TBX5: variants seen among roughly 807,000 people sequenced by gnomAD.
TBX5 encodes the protein T-box transcription factor 5.
Under a neutral mutation model 51.1 loss-of-function variants are expected in TBX5, and 8 were observed. The observed-to-expected ratio is 0.16, with a 90% CI of 0.09 to 0.28. TBX5 has a LOEUF of 0.28. TBX5 is among the 10% of genes least tolerant of loss of function. The pLI is 1.00. For missense variants in TBX5, 589 were observed against 671.7 expected, an observed-to-expected ratio of 0.88 and a Z score of 1.36; for synonymous variants, 302 against 266.4, an observed-to-expected ratio of 1.13 and a Z score of -1.30.
chr12:114,359,590 C>A (rs762593919), intron 8 of TBX5, among the ~76,000 whole-genome samples: 1 of 152,172 alleles, frequency 6.6e-6, no homozygotes, highest in Non-Finnish European at 1.5e-5. Flanking sequence ...ACAGTAAATT[C>A]TTCCTGATTC....
intron 7 of TBX5, among the ~76,000 whole-genome samples, chr12:114,370,195 C>T (rs573098271): frequency 6.8e-6 from 1 of 147,196 alleles, no homozygotes; most frequent in Admixed American, 7.0e-5. Context: ...AGCACCATTG[C>T]ACTCCAGCCT....
At chr12:114,389,150 A>G (rs1185706551) in intron 6 of TBX5, among the ~76,000 whole-genome samples, 1 of 148,144 alleles carries the variant, frequency 6.8e-6, no homozygotes, top group Non-Finnish European at 1.5e-5. Context: ...CTGCTCTTGA[A>G]CTCCTGGCCT....
At chr12:114,387,623 G>A (rs1870889336) in intron 6 of TBX5, among the ~76,000 whole-genome samples, 1 of 152,214 alleles carries the variant, frequency 6.6e-6, no homozygotes, top group African/African-American at 2.4e-5. Flanking sequence ...CCCATGGAAT[G>A]TACAACACCA....
At chr12:114,383,286 GAGATGGCCTGGTGAGA>G (rs1870614317) in intron 7 of TBX5, among the ~76,000 whole-genome samples, 1 of 152,188 alleles carries the variant, frequency 6.6e-6, no homozygotes, top group Non-Finnish European at 1.5e-5. Flanking sequence ...TGATGGTTGG[GAGATGGCCTGGTGAGA>G]AGGAGGGAAA....
intron 7 of TBX5, among the ~76,000 whole-genome samples, chr12:114,376,085 C>T (rs924098060): frequency 1.3e-5 from 2 of 152,006 alleles, no homozygotes; most frequent in African/African-American, 2.4e-5. Context: ...ATAGAACTCT[C>T]ATATGACCCA....
chr12:114,358,026 C>T (rs1869016644), intron 8 of TBX5, among the ~76,000 whole-genome samples: 2 of 152,170 alleles, frequency 1.3e-5, no homozygotes, highest in Admixed American at 1.3e-4. Flanking sequence ...TGCTGTAATG[C>T]CTGTCTCATA....
At chr12:114,371,265 G>A (rs1210251686) in intron 7 of TBX5, among the ~76,000 whole-genome samples, 1 of 152,134 alleles carries the variant, frequency 6.6e-6, no homozygotes, top group Non-Finnish European at 1.5e-5. Context: ...ACAAGAGTCT[G>A]GGACCCCCGA....
At chr12:114,384,745 A>ACACACACACACACACAAC (rs10629159) in intron 7 of TBX5, among the ~76,000 whole-genome samples, 27 of 115,168 alleles carry the variant, frequency 2.3e-4, no homozygotes, top group South Asian at 5.5e-4. Context: ...ACACACACAC[A>ACACACACACACACACAAC]ACACACACAC....
upstream of TBX5, chr12:114,407,882 A>G (rs947021363): frequency 1.0e-6 from 1 of 985,462 alleles, no homozygotes; most frequent in Non-Finnish European, 1.2e-6. Context: ...AGCAGGGCTC[A>G]GGTGAAGACT....
intron 6 of TBX5, among the ~76,000 whole-genome samples, chr12:114,386,466 C>T (rs1408584694): frequency 6.6e-6 from 1 of 152,212 alleles, no homozygotes; most frequent in East Asian, 1.9e-4. Flanking sequence ...AGCAGCATGA[C>T]TCAAACTTCA....
chr12:114,382,756 C>T (rs1465019017), intron 7 of TBX5, among the ~76,000 whole-genome samples: 1 of 152,130 alleles, frequency 6.6e-6, no homozygotes, highest in Non-Finnish European at 1.5e-5. Context: ...GAGATCGTGC[C>T]ACTGCACTCC....
intron 8 of TBX5, among the ~76,000 whole-genome samples, chr12:114,359,926 T>C (rs1238229860): frequency 6.6e-6 from 1 of 152,206 alleles, no homozygotes; most frequent in Non-Finnish European, 1.5e-5. Context: ...TCCATTCTCT[T>C]TTCCCTCTTT....
intron 7 of TBX5, among the ~76,000 whole-genome samples, chr12:114,374,055 A>G (rs1870066343): frequency 6.6e-6 from 1 of 152,236 alleles, no homozygotes; most frequent in South Asian, 2.1e-4. Flanking sequence ...TGTGGAGGCC[A>G]CTGATGATCC....
Position 114,355,399 on chromosome 12 carries a change from C to T in TBX5, c.*133G>A. 9.8e-6 allele frequency: 11 copies of T among 1,121,228 alleles called. No homozygotes were observed. The highest frequency in any genetic ancestry group is 1.4e-5 in the Non-Finnish European group (11 of 764,466). The allele number at this position is 1,121,228 out of a possible 1,614,324, so 69.5% of individuals were successfully genotyped here. A position where few individuals can be genotyped will look rare whatever the true frequency, so the allele number is the denominator to read the frequency against. On this transcript the variant is annotated 3_prime_UTR_variant, in exon 9 of 9. Coordinates refer to ENST00000405440, the MANE Select transcript of TBX5 (RefSeq NM_181486.4). ...GATCAGCATCCAGCGACCTTGAGTG[C>T]AGATGTGAACATTGGGTGAAATGAA...
chr12:114,400,434 C>A (rs111820501), intron 3 of TBX5, among the ~76,000 whole-genome samples: 5,896 of 152,360 alleles, frequency 0.039, 168 homozygotes, highest in Non-Finnish European at 0.065. Flanking sequence ...CCTTTCTGCG[C>A]CCTGGCGCAC....
intron 6 of TBX5, among the ~76,000 whole-genome samples, chr12:114,392,178 TAAAAAAA>T (rs57938892): frequency 5.9e-5 from 8 of 136,430 alleles, no homozygotes; most frequent in Non-Finnish European, 6.2e-5. Flanking sequence ...TGGATTGCGC[TAAAAAAA>T]AAAAAAAAAA....
chr12:114,405,697 G>C lies in TBX5; in HGVS notation c.-108C>G, dbSNP rs1055011157. 2.0e-6 allele frequency: 2 copies of C among 985,474 alleles called. No individual in the cohort carries two copies. The highest frequency in any genetic ancestry group is 2.4e-6 in the Non-Finnish European group (2 of 829,974). 61.0% of individuals were successfully genotyped at this position (985,474 alleles called of 1,614,324 possible). A position where few individuals can be genotyped will look rare whatever the true frequency, so the allele number is the denominator to read the frequency against. On this transcript the variant is annotated 5_prime_UTR_variant, in exon 1 of 9. Coordinates refer to ENST00000405440, the MANE Select transcript of TBX5 (RefSeq NM_181486.4). ...CTAGCAGGGAAGCCGGCGGTGAGGC[G>C]GGGGAGCAGGCATGGTGGCTCCGGG...
chr12:114,390,578 A>G (rs1871098306), intron 6 of TBX5, among the ~76,000 whole-genome samples: 1 of 152,316 alleles, frequency 6.6e-6, no homozygotes, highest in African/African-American at 2.4e-5. Flanking sequence ...AGGACCAAAA[A>G]TCTTAATTAT....
At chr12:114,392,267 G>A (rs1871195506) in intron 6 of TBX5, among the ~76,000 whole-genome samples, 1 of 152,088 alleles carries the variant, frequency 6.6e-6, no homozygotes, top group Non-Finnish European at 1.5e-5. Context: ...ACGTGTATTG[G>A]GGAAGAAATT....
Sources: allele counts gnomAD v4.1 joint callset (sites outside exome capture counted in the v4.1 genomes callset), GRCh38; gene constraint gnomAD v4.1.1; transcripts MANE v1.5; gene names NCBI Gene and HGNC (gene_info 2026-07-23, HGNC 2026-07-21).